CTNNA3: variants seen among roughly 807,000 people sequenced by gnomAD.
The protein encoded by CTNNA3 is catenin alpha 3.
In CTNNA3, 76 loss-of-function variants were observed where a neutral mutation model predicts 95.7. That is an observed-to-expected ratio of 0.79 (90% CI 0.66 to 0.96). The LOEUF (loss-of-function observed/expected upper bound fraction) is 0.96. CTNNA3 is among the 40% of genes least tolerant of loss of function. The probability of loss-of-function intolerance (pLI) is 0.00; values close to 1 mark genes in which losing one functional copy is unlikely to be tolerated. For missense variants in CTNNA3, 1,191 were observed against 1,089.8 expected, an observed-to-expected ratio of 1.09 and a Z score of -1.31; for synonymous variants, 431 against 374.4, an observed-to-expected ratio of 1.15 and a Z score of -1.74.
chr10:67,274,419 C>G (rs548485394), intron 5 of CTNNA3, among the ~76,000 whole-genome samples: 2 of 152,216 alleles, frequency 1.3e-5, no homozygotes, highest in South Asian at 4.1e-4. Context: ...TTGATTTCCA[C>G]GACCTCAATA....
At chr10:67,525,257 G>T (rs185210572) in intron 4 of CTNNA3, among the ~76,000 whole-genome samples, 1 of 151,608 alleles carries the variant, frequency 6.6e-6, no homozygotes, top group South Asian at 2.1e-4. Flanking sequence ...AGATAAGAAT[G>T]GGTAGAGGAA....
chr10:67,284,845 GA>G (rs1839534286), intron 5 of CTNNA3, among the ~76,000 whole-genome samples: 1 of 152,040 alleles, frequency 6.6e-6, no homozygotes, highest in Admixed American at 6.6e-5. Context: ...TAAAAATATT[GA>G]AAAAAGAAAA....
intron 11 of CTNNA3, among the ~76,000 whole-genome samples, chr10:66,381,973 C>T (rs2092842960): frequency 6.6e-6 from 1 of 152,252 alleles, no homozygotes; most frequent in Admixed American, 6.5e-5. Context: ...ACCAAGATGG[C>T]CAAATAGGAG....
At chr10:67,238,336 C>T (rs779252003) in intron 5 of CTNNA3, among the ~76,000 whole-genome samples, 46 of 151,798 alleles carry the variant, frequency 3.0e-4, no homozygotes, top group Middle Eastern at 3.4e-3. Context: ...TAGGAGTCAT[C>T]GTAAATTGTT....
At chr10:67,316,964 A>C (rs895003823) in intron 5 of CTNNA3, among the ~76,000 whole-genome samples, 2 of 152,164 alleles carry the variant, frequency 1.3e-5, no homozygotes, top group African/African-American at 4.8e-5. Flanking sequence ...TCCTTTCCGT[A>C]GCTGTCACCC....
intron 1 of CTNNA3, among the ~76,000 whole-genome samples, chr10:67,693,703 T>C (rs1427448361): frequency 6.6e-6 from 1 of 152,206 alleles, no homozygotes; most frequent in Non-Finnish European, 1.5e-5. Flanking sequence ...CCACATAATA[T>C]TGATATCTCT....
chr10:67,673,966 G>A (rs550231691), intron 1 of CTNNA3, among the ~76,000 whole-genome samples: 4 of 151,304 alleles, frequency 2.6e-5, no homozygotes, highest in South Asian at 2.1e-4. Flanking sequence ...AGCACGTTTC[G>A]GTAATAGCCA....
At chr10:67,504,064 G>A (rs1010092232) in intron 5 of CTNNA3, among the ~76,000 whole-genome samples, 14 of 151,800 alleles carry the variant, frequency 9.2e-5, no homozygotes, top group Non-Finnish European at 1.0e-4. Flanking sequence ...GGCTGAGGCA[G>A]GAGAATGGTG....
intron 9 of CTNNA3, among the ~76,000 whole-genome samples, chr10:66,716,172 T>C (rs1034671701): frequency 1.3e-5 from 2 of 152,102 alleles, no homozygotes; most frequent in Non-Finnish European, 2.9e-5. Flanking sequence ...ATTTATTTAA[T>C]AATCCAAAAT....
intron 11 of CTNNA3, among the ~76,000 whole-genome samples, chr10:66,408,527 C>T (rs531505818): frequency 6.6e-5 from 10 of 152,122 alleles, no homozygotes; most frequent in African/African-American, 9.7e-5. Flanking sequence ...ATCTTTATAT[C>T]ATCTTTTAAT....
intron 9 of CTNNA3, among the ~76,000 whole-genome samples, chr10:66,731,026 G>T (rs1196490101): frequency 6.6e-6 from 1 of 152,070 alleles, no homozygotes; most frequent in African/African-American, 2.4e-5. Context: ...CATTTCTTTT[G>T]GATAATTATT....
At chr10:66,414,693 C>T (rs539524796) in intron 11 of CTNNA3, among the ~76,000 whole-genome samples, 1 of 152,224 alleles carries the variant, frequency 6.6e-6, no homozygotes, top group Non-Finnish European at 1.5e-5. Flanking sequence ...CCCAGGAATG[C>T]TGAGGCTAAT....
chr10:66,735,394 A>T (rs1849101288), intron 9 of CTNNA3, among the ~76,000 whole-genome samples: 1 of 152,036 alleles, frequency 6.6e-6, no homozygotes, highest in Non-Finnish European at 1.5e-5. Context: ...GACTAATGGT[A>T]CATTAAGAAT....
intron 16 of CTNNA3, among the ~76,000 whole-genome samples, chr10:65,972,911 A>G (rs1467929864): frequency 3.9e-4 from 59 of 151,842 alleles, no homozygotes; most frequent in African/African-American, 1.3e-3. Context: ...GGGGAAAAAA[A>G]AAAAAAAAAA....
intron 5 of CTNNA3, among the ~76,000 whole-genome samples, chr10:67,268,405 C>A (rs1438025808): frequency 5.9e-5 from 9 of 151,574 alleles, no homozygotes; most frequent in Admixed American, 5.9e-4. Flanking sequence ...GCCTGTAGTG[C>A]CAGCTACTTG....
At chr10:67,067,114 A>T (rs148859344) in intron 7 of CTNNA3, among the ~76,000 whole-genome samples, 7 of 152,338 alleles carry the variant, frequency 4.6e-5, no homozygotes, top group Non-Finnish European at 1.0e-4. Context: ...CCAGAAAGTC[A>T]TTATGTATTC....
chr10:67,436,173 A>C (rs1165984026), intron 5 of CTNNA3, among the ~76,000 whole-genome samples: 3 of 152,150 alleles, frequency 2.0e-5, no homozygotes, highest in African/African-American at 7.2e-5. Context: ...AAACCCAAAT[A>C]CTTACAGCCA....
intron 11 of CTNNA3, among the ~76,000 whole-genome samples, chr10:66,428,968 G>C (rs962900507): frequency 3.8e-4 from 58 of 151,966 alleles, no homozygotes; most frequent in African/African-American, 1.4e-3. Flanking sequence ...TTCAGGAGCT[G>C]GTTTTTTGAA....
chr10:66,109,573 G>C (rs1156917583), intron 13 of CTNNA3, among the ~76,000 whole-genome samples: 1 of 152,136 alleles, frequency 6.6e-6, no homozygotes, highest in Non-Finnish European at 1.5e-5. Flanking sequence ...GCCCAACATA[G>C]GTAGCAGGAG....
Sources: gnomAD v4.1 joint callset for allele counts (sites outside exome capture counted in the v4.1 genomes callset) on GRCh38, gnomAD v4.1.1 for gene constraint, MANE v1.5 for transcripts, NCBI Gene and HGNC (gene_info 2026-07-23, HGNC 2026-07-21) for gene names.